MINAR1: variants seen among roughly 807,000 people sequenced by gnomAD.
MINAR1 encodes the protein major intrinsically disordered Notch2-binding receptor 1.
MINAR1 carries 40 observed loss-of-function variants against 65.1 expected under a neutral mutation model. That is an observed-to-expected ratio of 0.61 (90% CI 0.48 to 0.80). MINAR1 has a LOEUF of 0.80. MINAR1 is among the 30% of genes least tolerant of loss of function. The probability of loss-of-function intolerance (pLI) is 0.00; values close to 1 mark genes in which losing one functional copy is unlikely to be tolerated. For synonymous variants in MINAR1, 482 were observed against 449.1 expected, an observed-to-expected ratio of 1.07 and a Z score of -0.93; for missense variants, 1,128 against 1,148.0, an observed-to-expected ratio of 0.98 and a Z score of 0.25.
At chr15:79,428,626 C>A (rs1247566355), upstream of MINAR1, among the ~76,000 whole-genome samples, 1 of 151,948 alleles carries the variant, frequency 6.6e-6, no homozygotes, top group Non-Finnish European at 1.5e-5. Flanking sequence ...TTTATCTCAT[C>A]TTCCCAAAAA....
chr15:79,420,323 A>C, the MINAR1 span: 4 of 152,254 alleles, frequency 2.6e-5, no homozygotes, highest in East Asian at 7.7e-4. Flanking sequence ...TTTATCGAGC[A>C]GTGATTCTCA....
rs1282541571 is a variant in MINAR1 at position 79,463,263 on chromosome 15, T to C, written c.2495T>C (p.Ile832Thr). 6.2e-7 allele frequency: 1 copy of C among 1,614,014 alleles called. No individual in the cohort carries two copies. Among genetic ancestry groups the C allele is most frequent in the African/African-American group, 1.3e-5 (1 of 74,902 alleles). The change falls in exon 3 of 4, where the codon ATT becomes ACT. Residue 832 changes from isoleucine to threonine, a missense_variant. Physicochemically the swap from Ile to Thr is moderately conservative, Grantham distance 89. Coordinates refer to ENST00000305428, the MANE Select transcript of MINAR1 (RefSeq NM_015206.3). ...AAGCGGGGCCAACCTTCTTGGACCATTGAGGAGTATGCACGGAATGCGGGC... is the reference window on the plus strand; with the variant it reads ...AAGCGGGGCCAACCTTCTTGGACCACTGAGGAGTATGCACGGAATGCGGGC... The part of the protein sequence containing the change: ...EVKRGQPSWT[I>T]EEYARNAGDK...
upstream of MINAR1, among the ~76,000 whole-genome samples, chr15:79,431,763 A>G (rs1388898628): frequency 1.3e-5 from 2 of 152,038 alleles, no homozygotes; most frequent in Non-Finnish European, 2.9e-5. Flanking sequence ...GGAGACGCGA[A>G]CCCCGCGGGT....
intron 3 of MINAR1, among the ~76,000 whole-genome samples, chr15:79,465,755 G>T (rs1895821707): frequency 6.6e-6 from 1 of 152,024 alleles, no homozygotes; most frequent in Non-Finnish European, 1.5e-5. Flanking sequence ...CAGGTGCCAG[G>T]GTAGGGAGGG....
At chr15:79,450,768 T>C (rs1222544520) in intron 1 of MINAR1, among the ~76,000 whole-genome samples, 1 of 138,044 alleles carries the variant, frequency 7.2e-6, no homozygotes, top group East Asian at 2.9e-4. Context: ...TTGCTCTTTG[T>C]ACAGAATAGA....
intron 1 of MINAR1, among the ~76,000 whole-genome samples, chr15:79,452,628 C>CTG (rs367728486): frequency 8.8e-6 from 1 of 113,438 alleles, no homozygotes; most frequent in Non-Finnish European, 1.9e-5. Flanking sequence ...CTGGATGAGT[C>CTG]TGTGTGTGTG....
At chr15:79,444,082 G>A (rs1430302860) in intron 1 of MINAR1, among the ~76,000 whole-genome samples, 1 of 152,198 alleles carries the variant, frequency 6.6e-6, no homozygotes, top group Non-Finnish European at 1.5e-5. Flanking sequence ...GACTTAGAGT[G>A]TATAGTTAAG....
In MINAR1 at chr15:79,456,773, G is replaced by A; in HGVS notation, c.626G>A (p.Cys209Tyr). 5 of 1,614,178 alleles carry A rather than the reference G, an allele frequency of 3.1e-6. No individual in the cohort carries two copies. The highest frequency in any genetic ancestry group is 4.2e-6 in the Non-Finnish European group (5 of 1,180,030). ...APYSVTSPQPCEMQRTYFPMN... is the reference protein window; with the variant it reads ...APYSVTSPQPYEMQRTYFPMN... ...TACTCTGTGACCAGCCCTCAGCCCT[G>A]TGAGATGCAGAGGACCTACTTCCCC... Residue 209 changes from cysteine to tyrosine, a missense_variant, in exon 2 of 4, where the codon TGT becomes TAT. Physicochemically the swap from Cys to Tyr is radical, Grantham distance 194 (BLOSUM62 -2). Transcript: ENST00000305428.
At chr15:79,466,051 A>AGTTT (rs957023306) in intron 3 of MINAR1, among the ~76,000 whole-genome samples, 10 of 151,436 alleles carry the variant, frequency 6.6e-5, no homozygotes, top group African/African-American at 2.4e-4. Context: ...AGGATGCAGG[A>AGTTT]GTTTCTTGCA....
chr15:79,467,629 G>C (rs1347459290), intron 3 of MINAR1, among the ~76,000 whole-genome samples: 1 of 152,190 alleles, frequency 6.6e-6, no homozygotes, highest in Middle Eastern at 3.2e-3. Context: ...TTGACTTTGA[G>C]CAGTGGCATG....
chr15:79,439,165 G>A lies in MINAR1; in HGVS notation c.-51+6625G>A, dbSNP rs111207942. Reference sequence around the variant, plus strand: ...GGTGGGTAGTGAGTGTGTGGGGTGTGTGTGGGGTGGGTAGTGAGTGTGTGG... The same window carrying A: ...GGTGGGTAGTGAGTGTGTGGGGTGTATGTGGGGTGGGTAGTGAGTGTGTGG... On this transcript the variant is annotated intron_variant, in intron 1 of 3. Coordinates refer to ENST00000305428, the MANE Select transcript of MINAR1 (RefSeq NM_015206.3). Among the ~76,000 whole-genome samples, 160 of 24,906 alleles carry A rather than the reference G, an allele frequency of 6.4e-3. 3 individuals carry two copies. The highest frequency in any genetic ancestry group is 0.017 in the African/African-American group (152 of 8,904). The allele number at this position is 24,906 out of a possible 152,430, so 16.3% of individuals were successfully genotyped here.
the MINAR1 span, chr15:79,424,890 G>A: frequency 1.3e-5 from 2 of 152,182 alleles, no homozygotes; most frequent in African/African-American, 4.8e-5. Flanking sequence ...AGAAGAAATA[G>A]AAGGAAGGCC....
At chr15:79,441,736 A>T (rs1278652331) in intron 1 of MINAR1, among the ~76,000 whole-genome samples, 1 of 152,152 alleles carries the variant, frequency 6.6e-6, no homozygotes, top group Non-Finnish European at 1.5e-5. Flanking sequence ...GATTATAGAT[A>T]CCATAACAAA....
chr15:79,435,539 C>T (rs1894574818), intron 1 of MINAR1, among the ~76,000 whole-genome samples: 1 of 152,208 alleles, frequency 6.6e-6, no homozygotes, highest in African/African-American at 2.4e-5. Flanking sequence ...CTAGCTAAAC[C>T]CCTACAATGT....
intron 1 of MINAR1, among the ~76,000 whole-genome samples, chr15:79,450,641 G>A (rs1306407247): frequency 6.6e-6 from 1 of 152,090 alleles, no homozygotes; most frequent in East Asian, 1.9e-4. Flanking sequence ...TCTACTGAAG[G>A]TCCATGGGAG....
intron 1 of MINAR1, among the ~76,000 whole-genome samples, chr15:79,451,030 T>C (rs1246571360): frequency 6.6e-6 from 1 of 152,140 alleles, no homozygotes; most frequent in African/African-American, 2.4e-5. Flanking sequence ...CAACGTCACA[T>C]AGTGGGCAGG....
chr15:79,468,572 C>T lies in MINAR1; in HGVS notation c.*188C>T. Reference sequence around the variant, plus strand: ...AGTGAGAAATCTACCTACCTATTAGCTTTGACTCAATTACACTCTGACGCA... The same window carrying T: ...AGTGAGAAATCTACCTACCTATTAGTTTTGACTCAATTACACTCTGACGCA... On this transcript the variant is annotated 3_prime_UTR_variant, in exon 4 of 4. Coordinates refer to ENST00000305428, the MANE Select transcript of MINAR1 (RefSeq NM_015206.3). The T allele has an allele frequency of 1.7e-6, 1 of 599,238 alleles. No homozygotes were observed. Among genetic ancestry groups the T allele is most frequent in the South Asian group, 2.1e-5 (1 of 48,148 alleles). The allele number at this position is 599,238 out of a possible 1,614,324, so 37.1% of individuals were successfully genotyped here. A position where few individuals can be genotyped will look rare whatever the true frequency, so the allele number is the denominator to read the frequency against.
At chr15:79,462,910 C>G (rs1224632406) in intron 2 of MINAR1, among the ~76,000 whole-genome samples, 157 bp from the exon 3 acceptor site, 1 of 152,104 alleles carries the variant, frequency 6.6e-6, no homozygotes, top group Non-Finnish European at 1.5e-5. Flanking sequence ...AGAGAATTTC[C>G]CTCAATATGG....
intron 1 of MINAR1, among the ~76,000 whole-genome samples, chr15:79,447,697 C>T (rs1895063854): frequency 6.6e-6 from 1 of 152,140 alleles, no homozygotes. Flanking sequence ...TGATTTTTTA[C>T]ATTAATTTCT....
Sources: allele counts gnomAD v4.1 joint callset (sites outside exome capture counted in the v4.1 genomes callset), GRCh38; gene constraint gnomAD v4.1.1; transcripts MANE v1.5; gene names NCBI Gene and HGNC (gene_info 2026-07-23, HGNC 2026-07-21).